Variants in KCNH1 observed in about 807,000 individuals in gnomAD.
The protein encoded by KCNH1 is potassium voltage-gated channel subfamily H member 1, also known as voltage-gated delayed rectifier potassium channel KCNH1.
KCNH1 carries 27 observed loss-of-function variants against 69.2 expected under a neutral mutation model. That is an observed-to-expected ratio of 0.39 (90% CI 0.29 to 0.54). The LOEUF (loss-of-function observed/expected upper bound fraction) is 0.54. KCNH1 is among the 20% of genes least tolerant of loss of function. KCNH1 has a pLI of 0.68. For synonymous variants in KCNH1, 456 were observed against 487.7 expected (o/e 0.93, Z 0.86); for missense variants, 798 against 1,261.6 (o/e 0.63, Z 5.57).
intron 6 of KCNH1, among the ~76,000 whole-genome samples, chr1:210,939,416 G>T (rs1161370589): frequency 2.0e-5 from 3 of 152,158 alleles, no homozygotes; most frequent in Non-Finnish European, 4.4e-5. Context: ...AGCATTTCAG[G>T]CCCAACAGAG....
chr1:210,947,703 C>A (rs6675213), intron 6 of KCNH1, among the ~76,000 whole-genome samples: 19,617 of 152,094 alleles, frequency 0.13, 1,605 homozygotes, highest in East Asian at 0.39. Context: ...CCTACATAAC[C>A]AACAATAGAA....
chr1:211,019,301 A>C, intron 5 of KCNH1, 45 bp from the exon 6 acceptor site: 2 of 1,261,752 alleles, frequency 1.6e-6, no homozygotes, highest in Non-Finnish European at 2.2e-6. Flanking sequence ...TTAGGATTTA[A>C]TTGCAAGTAT....
intron 6 of KCNH1, among the ~76,000 whole-genome samples, chr1:210,959,389 G>A (rs1316784772): frequency 6.6e-6 from 1 of 152,152 alleles, no homozygotes; most frequent in Non-Finnish European, 1.5e-5. Flanking sequence ...CCCACTTGAG[G>A]AGGCAGGCCG....
intron 7 of KCNH1, among the ~76,000 whole-genome samples, chr1:210,855,461 C>T (rs976401446): frequency 2.0e-5 from 3 of 152,202 alleles, no homozygotes; most frequent in Admixed American, 6.5e-5. Context: ...CTACAGGGAC[C>T]ACCTGAGGAG....
intron 6 of KCNH1, among the ~76,000 whole-genome samples, chr1:211,007,090 G>A (rs1210872725): frequency 6.6e-6 from 1 of 152,044 alleles, no homozygotes; most frequent in African/African-American, 2.4e-5. Flanking sequence ...TGAAAAATTG[G>A]AATTAAACAA....
chr1:211,093,710 G>A (rs938823397), intron 3 of KCNH1, among the ~76,000 whole-genome samples: 9 of 152,108 alleles, frequency 5.9e-5, no homozygotes, highest in African/African-American at 2.2e-4. Context: ...CTAAATATGG[G>A]GGCTTTTTGA....
At chr1:210,832,283 A>C (rs59197723) in intron 7 of KCNH1, among the ~76,000 whole-genome samples, 23,344 of 152,158 alleles carry the variant, frequency 0.15, 2,105 homozygotes, top group African/African-American at 0.25. Context: ...GATGTTTGAG[A>C]GTCCTCTTCT....
intron 6 of KCNH1, among the ~76,000 whole-genome samples, chr1:211,013,969 T>C (rs1689447179): frequency 6.6e-6 from 1 of 152,198 alleles, no homozygotes; most frequent in South Asian, 2.1e-4. Flanking sequence ...CACATTTTGC[T>C]CCTGTTCTGC....
chr1:210,684,397 C>T (rs557836812), intron 10 of KCNH1, among the ~76,000 whole-genome samples: 2 of 152,314 alleles, frequency 1.3e-5, no homozygotes, highest in South Asian at 2.1e-4. Flanking sequence ...GAACACATCC[C>T]ATTTTTTCCC....
chr1:211,009,595 A>C (rs61850226), intron 6 of KCNH1, among the ~76,000 whole-genome samples: 49,891 of 144,834 alleles, frequency 0.34, 8,650 homozygotes, highest in Non-Finnish European at 0.38. Context: ...TATGTAAGTT[A>C]TTTTCTTTTC....
In KCNH1 at chr1:210,683,288, G is replaced by T. The variant is rs748546352; in HGVS notation, c.2963C>A (p.Ala988Asp). The T allele has an allele frequency of 2.5e-6, 4 of 1,612,638 alleles. No homozygotes were observed. Among genetic ancestry groups the T allele is most frequent in the African/African-American group, 2.7e-5 (2 of 74,716 alleles). Residue 988 changes from alanine (A) to aspartate (D), a missense_variant, in exon 11 of 11, where the codon GCC (alanine) becomes GAC (aspartate). Ala to Asp is a moderately radical substitution (Grantham distance 126). Around this residue, in one of 4 missense-constraint regions of KCNH1, gnomAD observed 331 missense variants for 363.2 expected, o/e 0.91. Coordinates refer to ENST00000271751, the MANE Select transcript of KCNH1 (RefSeq NM_172362.3). This position sits in a 1 kb window ranked among gnomAD's most constrained non-coding sequence, Gnocchi z 5.7. ...TTTTTTTAAATAGACCTCTCAGCTG[G>T]CTCCAAAAATGTCTCTCTCTGATTC... ...SPESERDIFG[A>D]S
intron 10 of KCNH1, among the ~76,000 whole-genome samples, chr1:210,723,127 A>G (rs1199399676): frequency 1.3e-5 from 2 of 152,188 alleles, no homozygotes; most frequent in African/African-American, 2.4e-5. Context: ...GAAAACCCCA[A>G]TGGGAAACCT....
chr1:211,041,515 A>G (rs369949279), intron 5 of KCNH1, among the ~76,000 whole-genome samples: 2 of 152,228 alleles, frequency 1.3e-5, no homozygotes, highest in African/African-American at 4.8e-5. Flanking sequence ...TCACAACAGC[A>G]TGGCAGCAGC....
At chr1:210,807,673 C>T (rs566357120) in intron 7 of KCNH1, among the ~76,000 whole-genome samples, 2 of 152,118 alleles carry the variant, frequency 1.3e-5, no homozygotes, top group African/African-American at 4.8e-5. Flanking sequence ...AATGGAATCA[C>T]ACAGTATGTG....
chr1:210,816,727 A>C (rs1684824399), intron 7 of KCNH1, among the ~76,000 whole-genome samples: 1 of 152,222 alleles, frequency 6.6e-6, no homozygotes, highest in Non-Finnish European at 1.5e-5. Flanking sequence ...GCCATTTAAA[A>C]TAACACATAA....
chr1:210,790,904 C>G (rs542503043), intron 9 of KCNH1, among the ~76,000 whole-genome samples: 1 of 152,182 alleles, frequency 6.6e-6, no homozygotes, highest in Admixed American at 6.5e-5. Context: ...AGCCCTGATA[C>G]GCTTCCCAAG....
intron 5 of KCNH1, among the ~76,000 whole-genome samples, chr1:211,078,917 CAAAAAAAAAAA>C (rs769981174): frequency 1.2e-5 from 1 of 83,060 alleles, no homozygotes; most frequent in Non-Finnish European, 2.2e-5. Flanking sequence ...GACTCCGTCT[CAAAAAAAAAAA>C]AAAAAAAAAG....
At chr1:210,955,702 T>C (rs1688159838) in intron 6 of KCNH1, among the ~76,000 whole-genome samples, 1 of 151,948 alleles carries the variant, frequency 6.6e-6, no homozygotes, top group South Asian at 2.1e-4. Flanking sequence ...GGCTCTCTGT[T>C]TGTCTGTTGT....
intron 10 of KCNH1, among the ~76,000 whole-genome samples, chr1:210,700,713 C>T: frequency 6.6e-6 from 1 of 152,138 alleles, no homozygotes; most frequent in East Asian, 1.9e-4. Context: ...AGCACAAAAA[C>T]AGACAAAATG....
Sources: allele counts gnomAD v4.1 joint callset (sites outside exome capture counted in the v4.1 genomes callset), GRCh38; gene constraint gnomAD v4.1.1; regional missense constraint gnomAD v4.1.1; non-coding constraint Gnocchi (gnomAD v3.1); transcripts MANE v1.5; gene names NCBI Gene and HGNC (gene_info 2026-07-23, HGNC 2026-07-21).